FBXL17: variants seen among roughly 807,000 people sequenced by gnomAD.
FBXL17 encodes the protein F-box and leucine rich repeat protein 17.
FBXL17 carries 22 observed loss-of-function variants against 66.2 expected under a neutral mutation model. The ratio of observed to expected loss-of-function variants is 0.33; its 90% CI spans 0.24 to 0.47. The LOEUF (loss-of-function observed/expected upper bound fraction) is 0.47, where lower values mean the gene tolerates loss of function less well. Among genes scored for constraint, FBXL17 ranks in the 20% least tolerant of loss-of-function variants. The pLI is 1.00. For missense variants in FBXL17, 878 were observed against 948.2 expected, an observed-to-expected ratio of 0.93 and a Z score of 0.97; for synonymous variants, 474 against 400.5, an observed-to-expected ratio of 1.18 and a Z score of -2.19.
intron 4 of FBXL17, among the ~76,000 whole-genome samples, chr5:108,323,611 A>T (rs1759720438): frequency 6.6e-6 from 1 of 152,060 alleles, no homozygotes. Context: ...TAAAACTCAT[A>T]TGGAATCTAA....
chr5:107,864,570 T>C (rs1313573962), intron 8 of FBXL17, among the ~76,000 whole-genome samples: 1 of 152,142 alleles, frequency 6.6e-6, no homozygotes, highest in Non-Finnish European at 1.5e-5. Flanking sequence ...AGGTGTTTGG[T>C]TCATGGGGGT....
intron 4 of FBXL17, among the ~76,000 whole-genome samples, chr5:108,260,010 T>C (rs914201083): frequency 8.1e-5 from 12 of 148,630 alleles, no homozygotes; most frequent in African/African-American, 3.0e-4. Flanking sequence ...GAGAAATAGT[T>C]ATAAGAAACT....
chr5:108,154,056 A>C (rs1368951791), intron 6 of FBXL17, among the ~76,000 whole-genome samples: 1 of 151,794 alleles, frequency 6.6e-6, no homozygotes, highest in African/African-American at 2.4e-5. Flanking sequence ...AAATGAGCCC[A>C]CTCCTCAAAT....
At chr5:108,121,713 C>T (rs570828880) in intron 6 of FBXL17, among the ~76,000 whole-genome samples, 7 of 152,152 alleles carry the variant, frequency 4.6e-5, no homozygotes, top group South Asian at 2.1e-4. Flanking sequence ...CCCGCCACCA[C>T]GCCTGGCTAA....
At chr5:108,135,890 A>G (rs1318310918) in intron 6 of FBXL17, among the ~76,000 whole-genome samples, 1 of 152,092 alleles carries the variant, frequency 6.6e-6, no homozygotes, top group African/African-American at 2.4e-5. Context: ...CAAAGAAGTA[A>G]GTTCTAAAAT....
chr5:108,044,806 C>T (rs1747188001), intron 6 of FBXL17, among the ~76,000 whole-genome samples: 1 of 151,852 alleles, frequency 6.6e-6, no homozygotes, highest in Non-Finnish European at 1.5e-5. Context: ...ATTATCGATG[C>T]AATTTCCTTA....
At chr5:108,380,377 T>A (rs910985864) in intron 1 of FBXL17, among the ~76,000 whole-genome samples, 1 of 152,162 alleles carries the variant, frequency 6.6e-6, no homozygotes, top group African/African-American at 2.4e-5. Context: ...TATAAATTCC[T>A]CGATTAAAAA....
intron 5 of FBXL17, among the ~76,000 whole-genome samples, chr5:108,213,959 G>T (rs189703562): frequency 6.6e-6 from 1 of 152,202 alleles, no homozygotes; most frequent in African/African-American, 2.4e-5. Context: ...TCTGGGGCTT[G>T]TCTCCTTAAC....
intron 6 of FBXL17, among the ~76,000 whole-genome samples, chr5:108,081,750 C>G (rs1003362704): frequency 6.6e-6 from 1 of 151,854 alleles, no homozygotes; most frequent in Non-Finnish European, 1.5e-5. Context: ...AAAATAAGAG[C>G]CAGTAACAGG....
At chr5:108,190,506 G>A (rs1013782250) in intron 5 of FBXL17, among the ~76,000 whole-genome samples, 3 of 152,266 alleles carry the variant, frequency 2.0e-5, no homozygotes, top group Middle Eastern at 3.4e-3. Context: ...GAAAATACTT[G>A]CACAGCTTCT....
intron 4 of FBXL17, among the ~76,000 whole-genome samples, chr5:108,286,329 T>C (rs970072440): frequency 6.6e-6 from 1 of 151,790 alleles, no homozygotes; most frequent in Non-Finnish European, 1.5e-5. Flanking sequence ...GACAACCAAA[T>C]AGAAAAAGAT....
At chr5:108,298,449 C>G in intron 4 of FBXL17, 1 of 971,514 alleles carries the variant, frequency 1.0e-6, no homozygotes, top group South Asian at 4.8e-5. Context: ...AACAAAACTT[C>G]AGTAGGCTTT....
At chr5:108,163,176 G>A (rs557936600) in intron 6 of FBXL17, among the ~76,000 whole-genome samples, 1 of 152,018 alleles carries the variant, frequency 6.6e-6, no homozygotes, top group East Asian at 1.9e-4. Flanking sequence ...CAGTTACAAC[G>A]AAAGAGGTTA....
intron 6 of FBXL17, among the ~76,000 whole-genome samples, chr5:108,179,941 A>T (rs1752936539): frequency 6.6e-6 from 1 of 152,138 alleles, no homozygotes; most frequent in Non-Finnish European, 1.5e-5. Flanking sequence ...GGAAGAGTGG[A>T]TAAATGGAAA....
intron 4 of FBXL17, among the ~76,000 whole-genome samples, chr5:108,277,758 A>C (rs1757541556): frequency 6.6e-6 from 1 of 152,226 alleles, no homozygotes. Context: ...CCAGACCACC[A>C]CAATAAAGTG....
At chr5:107,912,513 T>C (rs1200833801) in intron 7 of FBXL17, among the ~76,000 whole-genome samples, 2 of 152,150 alleles carry the variant, frequency 1.3e-5, no homozygotes, top group African/African-American at 4.8e-5. Flanking sequence ...TATGTATCAA[T>C]ATAGATGAAT....
At chr5:108,358,939 T>C (rs139766994) in intron 3 of FBXL17, among the ~76,000 whole-genome samples, 208 of 152,186 alleles carry the variant, frequency 1.4e-3, no homozygotes, top group African/African-American at 4.5e-3. Context: ...CTAGCTGGAG[T>C]GCAGTGAATA....
chr5:107,953,093 C>T (rs1368430456), intron 7 of FBXL17, among the ~76,000 whole-genome samples: 2 of 44,184 alleles, frequency 4.5e-5, no homozygotes, highest in East Asian at 3.6e-4. Flanking sequence ...ACTCTTGTTT[C>T]ATACTTTAAA....
chr5:108,284,524 A>T (rs1023819681), intron 4 of FBXL17, among the ~76,000 whole-genome samples: 1 of 151,826 alleles, frequency 6.6e-6, no homozygotes, highest in Admixed American at 6.6e-5. Flanking sequence ...TAGAGTGTGG[A>T]ACAATAGATA....
Sources: gnomAD v4.1 joint callset for allele counts (sites outside exome capture counted in the v4.1 genomes callset) on GRCh38, gnomAD v4.1.1 for gene constraint, MANE v1.5 for transcripts, NCBI Gene and HGNC (gene_info 2026-07-23, HGNC 2026-07-21) for gene names.